PPP6R2: variants seen among roughly 807,000 people sequenced by gnomAD.
PPP6R2 encodes the protein protein phosphatase 6 regulatory subunit 2, also known as serine/threonine-protein phosphatase 6 regulatory subunit 2.
PPP6R2 carries 62 observed loss-of-function variants against 100.2 expected under a neutral mutation model. The observed-to-expected ratio is 0.62, with a 90% CI of 0.50 to 0.76. The LOEUF is 0.76. Ranked by LOEUF, PPP6R2 falls within the 30% of genes least tolerant of loss-of-function variation. The probability of loss-of-function intolerance (pLI) is 0.00; values close to 1 mark genes in which losing one functional copy is unlikely to be tolerated. For synonymous variants in PPP6R2, 525 were observed against 514.7 expected, an observed-to-expected ratio of 1.02 and a Z score of -0.27; for missense variants, 1,142 against 1,276.3, an observed-to-expected ratio of 0.89 and a Z score of 1.60.
Position 50,444,371 on chromosome 22 carries a change from T to A in PPP6R2, c.*124T>A. 1 of 1,283,978 alleles carries A rather than the reference T, an allele frequency of 7.8e-7. No homozygotes were observed. Among genetic ancestry groups the A allele is most frequent in the Non-Finnish European group, 1.1e-6 (1 of 933,678 alleles). 79.5% of individuals were successfully genotyped at this position (1,283,978 alleles called of 1,614,324 possible). Reference sequence around the variant, plus strand: ...AATTTTAAAATAAATGCTGCATTGGTAAAGCTGGCAGTTGAAACCAGTTGG... The same window carrying A: ...AATTTTAAAATAAATGCTGCATTGGAAAAGCTGGCAGTTGAAACCAGTTGG... On this transcript the variant is annotated 3_prime_UTR_variant, in exon 24 of 24. Transcript: ENST00000612753.
chr22:50,389,657 G>A (rs965037889), intron 2 of PPP6R2, among the ~76,000 whole-genome samples: 10 of 151,676 alleles, frequency 6.6e-5, no homozygotes, highest in Non-Finnish European at 1.5e-4. Context: ...GGAGTGTAGT[G>A]GCGTGATTTC....
chr22:50,354,868 CTTT>C (rs762678639), intron 1 of PPP6R2, among the ~76,000 whole-genome samples: 137 of 126,328 alleles, frequency 1.1e-3, no homozygotes, highest in African/African-American at 3.6e-3. Flanking sequence ...CTGGATCAGC[CTTT>C]TTTTTTTTTT....
In PPP6R2 at chr22:50,431,350, G is replaced by A. The variant is rs200841264; in HGVS notation, c.1303G>A (p.Ala435Thr). The A allele has an allele frequency of 6.4e-5, 104 of 1,612,650 alleles. No homozygotes were observed. The highest frequency in any genetic ancestry group is 2.0e-4 in the African/African-American group (15 of 74,922). ...GAGCCTGGAGACTCCCCAGCCGGCC[G>A]CCAGCCTCCCTGACAACACAATGGT... ...NRSLETPQPA[A>T]SLPDNTMVTH... is the part of the protein sequence containing the mutation. The change falls in exon 11 of 24, where the codon GCC becomes ACC. Residue 435 changes from alanine to threonine, a missense_variant. Ala to Thr is a moderately conservative substitution (Grantham distance 58, BLOSUM62 0). Transcript: ENST00000612753. The surrounding 1 kb of genome is among the most constrained non-coding windows in gnomAD (Gnocchi z 4.8).
chr22:50,340,689 G>A (rs972117797), upstream of PPP6R2, among the ~76,000 whole-genome samples: 2 of 151,766 alleles, frequency 1.3e-5, no homozygotes, highest in African/African-American at 4.9e-5. Flanking sequence ...AGGTCCCAGA[G>A]GCCACTCCTA....
At chr22:50,338,289 GGTGTGTA>G in the PPP6R2 span, among the ~76,000 whole-genome samples, 5 of 140,304 alleles carry the variant, frequency 3.6e-5, no homozygotes, top group Admixed American at 7.2e-5. Flanking sequence ...GTGTGTTTGT[GGTGTGTA>G]GTGTGTGGTG....
intron 3 of PPP6R2, 123 bp from the exon 4 acceptor site, chr22:50,406,566 T>G: frequency 2.3e-6 from 2 of 874,624 alleles, no homozygotes; most frequent in Non-Finnish European, 3.6e-6. Flanking sequence ...TGTTCTGTTC[T>G]GAGGTCTGTA....
chr22:50,391,432 C>CAAAAAAAAA (rs57682271), intron 2 of PPP6R2, among the ~76,000 whole-genome samples: 1 of 65,288 alleles, frequency 1.5e-5, no homozygotes, highest in Admixed American at 2.1e-4. Context: ...GACTCCGTCT[C>CAAAAAAAAA]AAAAAAAAAA....
intron 1 of PPP6R2, among the ~76,000 whole-genome samples, chr22:50,349,431 G>A (rs2044512783): frequency 6.6e-6 from 1 of 150,500 alleles, no homozygotes. Flanking sequence ...CACTTTGGGA[G>A]GCTGAGGCGG....
intron 3 of PPP6R2, 116 bp downstream of exon 3, chr22:50,394,251 A>G: frequency 6.8e-7 from 1 of 1,469,002 alleles, no homozygotes; most frequent in Non-Finnish European, 9.2e-7. Context: ...AGCCGTAAAA[A>G]TCCACCCCAT....
At chr22:50,398,518 T>A (rs1190506893) in intron 3 of PPP6R2, among the ~76,000 whole-genome samples, 1 of 147,990 alleles carries the variant, frequency 6.8e-6, no homozygotes, top group Non-Finnish European at 1.5e-5. Context: ...ATTAAGACTT[T>A]TTTTTTTTTT....
upstream of PPP6R2, among the ~76,000 whole-genome samples, chr22:50,342,406 C>A (rs1324698395): frequency 6.6e-6 from 1 of 152,254 alleles, no homozygotes; most frequent in Non-Finnish European, 1.5e-5. Context: ...CTGACCAGGG[C>A]AGGGGACAGG....
rs1410539143 is a variant in PPP6R2 at position 50,393,966 on chromosome 22, G to A, written c.58G>A (p.Glu20Lys). 1.9e-6 allele frequency: 3 copies of A among 1,614,092 alleles called. No homozygotes were observed. Among genetic ancestry groups the A allele is most frequent in the African/African-American group, 2.7e-5 (2 of 74,930 alleles). ...CCATGTTGACAAGCTGCTGGACAAG[G>A]AGCATGTGACGCTGCAGGAGTTAAT... ...TSHVDKLLDK[E>K]HVTLQELMDE... The change falls in exon 3 of 24, where the codon GAG (glutamate) becomes AAG (lysine). Residue 20 changes from glutamate (E) to lysine (K), a missense_variant. Glu to Lys is a moderately conservative substitution (Grantham distance 56). Coordinates refer to ENST00000612753, the MANE Select transcript of PPP6R2 (RefSeq NM_001242898.2).
At chr22:50,424,233 C>T (rs990494104) in intron 10 of PPP6R2, among the ~76,000 whole-genome samples, 2 of 152,168 alleles carry the variant, frequency 1.3e-5, no homozygotes, top group African/African-American at 4.8e-5. Context: ...GACGCAGCCC[C>T]CGTCTTCTGC....
chr22:50,422,738 G>A (rs2061500762), intron 9 of PPP6R2, among the ~76,000 whole-genome samples: 1 of 152,156 alleles, frequency 6.6e-6, no homozygotes, highest in Non-Finnish European at 1.5e-5. Context: ...GTTGAGGGGG[G>A]TGAGGCACAC....
intron 4 of PPP6R2, among the ~76,000 whole-genome samples, chr22:50,414,115 G>A (rs1231406202): frequency 2.6e-5 from 4 of 152,132 alleles, no homozygotes; most frequent in Admixed American, 6.6e-5. Context: ...AGCAGCTGGC[G>A]TCTTGTGCAC....
intron 22 of PPP6R2, among the ~76,000 whole-genome samples, chr22:50,442,774 G>C (rs1026593996): frequency 6.6e-6 from 1 of 151,606 alleles, no homozygotes; most frequent in Non-Finnish European, 1.5e-5. Context: ...GTATGGTCTC[G>C]ATCTCCTGAC....
In PPP6R2 at chr22:50,354,027, G is replaced by A. The variant is rs189030164; in HGVS notation, c.-148+10477G>A. ...ATTTAGAAAAGCTGACTGGGAGGCC[G>A]GGCGCGGTGGCTCATGCCTGTAATC... is the stretch of plus-strand genomic sequence containing the variant. On this transcript the variant is annotated intron_variant, in intron 1 of 23. Transcript: ENST00000612753. Among the ~76,000 whole-genome samples the A allele has an allele frequency of 6.6e-5, 10 of 152,230 alleles. 1 individual carries two copies. In the East Asian group the frequency reaches 1.7e-3, roughly 26 times the overall value.
rs1217543969 is a variant in PPP6R2 at position 50,439,952 on chromosome 22, T to C, written c.2286-9T>C. The C allele has an allele frequency of 1.9e-6, 3 of 1,613,052 alleles. No homozygotes were observed. The African/African-American group carries it at 4.0e-5, about 22-fold the overall frequency. On this transcript the variant is annotated splice_polypyrimidine_tract_variant and intron_variant, in intron 20 of 23. Transcript: ENST00000612753. Reference sequence around the variant, plus strand: ...CCAGGACTGATCCTGTCCTCGTCCTTGTATGCAGCTCCGAGTCAGGGCCCA... The same window carrying C: ...CCAGGACTGATCCTGTCCTCGTCCTCGTATGCAGCTCCGAGTCAGGGCCCA...
chr22:50,416,064 C>T (rs1382767460), intron 5 of PPP6R2, 28 bp from the exon 6 acceptor site: 6 of 1,594,542 alleles, frequency 3.8e-6, no homozygotes, highest in South Asian at 1.1e-5. Flanking sequence ...TGAGCAGCGA[C>T]ACTGAAAGGC....
Sources: gnomAD v4.1 joint callset for allele counts (sites outside exome capture counted in the v4.1 genomes callset) on GRCh38, gnomAD v4.1.1 for gene constraint, Gnocchi (gnomAD v3.1) non-coding constraint, MANE v1.5 for transcripts, NCBI Gene and HGNC (gene_info 2026-07-23, HGNC 2026-07-21) for gene names.